The following NOS1 variants were observed in gnomAD, a reference collection of about 807,000 sequenced individuals.
NOS1 encodes NOS type I.
Under a neutral mutation model 164.5 loss-of-function variants are expected in NOS1, and 51 were observed. The observed-to-expected ratio is 0.31, with a 90% CI of 0.25 to 0.39. The LOEUF (loss-of-function observed/expected upper bound fraction) is 0.39. NOS1 is among the 10% of genes least tolerant of loss of function. The pLI is 1.00. For missense variants in NOS1, 1,362 were observed against 1,885.6 expected (o/e 0.72, Z 5.14); for synonymous variants, 719 against 745.8 (o/e 0.96, Z 0.59).
At chr12:117,309,505 C>T in intron 3 of NOS1, 1 of 457,628 alleles carries the variant, frequency 2.2e-6, no homozygotes, top group Non-Finnish European at 2.9e-6. Context: ...TGAAGCCGGT[C>T]ATCACTTGCT....
chr12:117,281,127 A>G (rs369848860), intron 7 of NOS1, among the ~76,000 whole-genome samples: 15 of 152,230 alleles, frequency 9.9e-5, no homozygotes, highest in African/African-American at 3.1e-4. Flanking sequence ...ATCTCTTTCT[A>G]GCTGGAGACT....
rs9658379 is a variant in NOS1, at chr12:117,272,172, C to T, written c.1839+213G>A. On this transcript the variant is annotated intron_variant, in intron 10 of 28. Coordinates refer to ENST00000317775, the MANE Select transcript of NOS1 (RefSeq NM_000620.5). This position sits in a 1 kb window ranked among gnomAD's most constrained non-coding sequence, Gnocchi z 4.3. ...AACAGTGCTTCGGATGCTGTTAGCA[C>T]GTGCTATGTGCTATGTGCGTGTTTG... Among the ~76,000 whole-genome samples, 6 of 152,150 alleles carry T rather than the reference C, an allele frequency of 3.9e-5. No homozygotes were observed. The highest frequency in any genetic ancestry group is 3.9e-4 in the East Asian group (2 of 5,188).
intron 2 of NOS1, among the ~76,000 whole-genome samples, chr12:117,324,194 T>C (rs1875126131): frequency 2.6e-5 from 4 of 152,170 alleles, no homozygotes. Flanking sequence ...CGCCCTCATC[T>C]ATGAAAGTAG....
chr12:117,308,269 A>G (rs1200750473), intron 3 of NOS1, among the ~76,000 whole-genome samples: 76 of 151,910 alleles, frequency 5.0e-4, no homozygotes, highest in Non-Finnish European at 1.5e-5. Flanking sequence ...GCACTTTGGG[A>G]GGCTGAGAAG....
chr12:117,323,362 T>C (rs977195150), intron 2 of NOS1, among the ~76,000 whole-genome samples: 2 of 152,164 alleles, frequency 1.3e-5, no homozygotes, highest in African/African-American at 2.4e-5. Flanking sequence ...TCTGAGAAAA[T>C]ATTCCAGTGT....
At position 117,211,043 on chromosome 12, in the gene NOS1, A is replaced by C; in HGVS notation, c.*4266T>G. 2 of 716,258 alleles carry C rather than the reference A, an allele frequency of 2.8e-6. No individual in the cohort carries two copies. The highest frequency in any genetic ancestry group is 3.4e-6 in the Non-Finnish European group (2 of 585,096). The allele number at this position is 716,258 out of a possible 1,614,324, so 44.4% of individuals were successfully genotyped here. A position where few individuals can be genotyped will look rare whatever the true frequency, so the allele number is the denominator to read the frequency against. ...ACAATCTTGGCTCACTGCAGCCTCC[A>C]CCTCCTGGGCTCAAGCGATCCTCCT... On this transcript the variant is annotated 3_prime_UTR_variant, in exon 29 of 29. Transcript: ENST00000317775.
At chr12:117,328,054 C>G (rs1413320372) in intron 2 of NOS1, among the ~76,000 whole-genome samples, 1 of 152,120 alleles carries the variant, frequency 6.6e-6, no homozygotes, top group Non-Finnish European at 1.5e-5. Context: ...GCCTCAAACA[C>G]GTTAAGCACA....
intron 10 of NOS1, among the ~76,000 whole-genome samples, chr12:117,271,823 G>A (rs1592974117): frequency 1.3e-5 from 2 of 152,168 alleles, no homozygotes; most frequent in East Asian, 1.9e-4. Flanking sequence ...TAGTAGATAC[G>A]GATGACTCAG....
In NOS1 at chr12:117,270,823, G is replaced by A. The variant is rs533763649; in HGVS notation, c.1839+1562C>T. On this transcript the variant is annotated intron_variant, in intron 10 of 28. Coordinates refer to ENST00000317775, the MANE Select transcript of NOS1 (RefSeq NM_000620.5). ...GGCCAAGGCGGGTGGATCATCTGAG[G>A]TCAAGAGTTCGAGACTAGCCTGGCC... Among the ~76,000 whole-genome samples the A allele has an allele frequency of 1.7e-3, 261 of 152,138 alleles. 2 individuals carry two copies. The highest frequency in any genetic ancestry group is 6.0e-3 in the African/African-American group (250 of 41,506).
At chr12:117,354,055 A>C (rs1876752977) in intron 1 of NOS1, among the ~76,000 whole-genome samples, 4 of 152,198 alleles carry the variant, frequency 2.6e-5, no homozygotes, top group Admixed American at 2.6e-4. Context: ...GCTCTCAATG[A>C]CTTCTTGCTG....
At chr12:117,301,958 CTGTAGAG>C (rs1873840764) in intron 3 of NOS1, 1 of 456,582 alleles carries the variant, frequency 2.2e-6, no homozygotes, top group Non-Finnish European at 4.4e-6. Flanking sequence ...GTGCCAGGCC[CTGTAGAG>C]TGGGCTCAGG....
At chr12:117,334,218 G>C (rs1203850699) in intron 1 of NOS1, among the ~76,000 whole-genome samples, 1 of 152,182 alleles carries the variant, frequency 6.6e-6, no homozygotes, top group Non-Finnish European at 1.5e-5. Context: ...GCTCTGGGCT[G>C]GTGCTTGGGA....
intron 22 of NOS1, among the ~76,000 whole-genome samples, chr12:117,231,167 A>C (rs1000177344): frequency 6.6e-6 from 1 of 152,024 alleles, no homozygotes; most frequent in African/African-American, 2.4e-5. Flanking sequence ...AACTACAAAA[A>C]TTAGCTGGCC....
At chr12:117,215,863 A>G (rs1005436681) in intron 28 of NOS1, among the ~76,000 whole-genome samples, 3 of 147,894 alleles carry the variant, frequency 2.0e-5, no homozygotes, top group Non-Finnish European at 4.4e-5. Flanking sequence ...GAAACATTTA[A>G]AAGGACTTTT....
At chr12:117,323,775 T>TTTTTA (rs1341691025) in intron 2 of NOS1, among the ~76,000 whole-genome samples, 8 of 151,996 alleles carry the variant, frequency 5.3e-5, no homozygotes, top group Admixed American at 2.0e-4. Flanking sequence ...TCCCTTTAAT[T>TTTTTA]TTTTATTTTA....
intron 10 of NOS1, among the ~76,000 whole-genome samples, chr12:117,269,521 C>T (rs1035026667): frequency 2.0e-4 from 26 of 129,242 alleles, no homozygotes; most frequent in Non-Finnish European, 1.7e-4. Flanking sequence ...GGCTGGAGTG[C>T]AGTGTCGTGA....
chr12:117,350,276 TG>T (rs138667232), intron 1 of NOS1, among the ~76,000 whole-genome samples: 1 of 152,294 alleles, frequency 6.6e-6, no homozygotes, highest in African/African-American at 2.4e-5. Context: ...AGCACGCCAT[TG>T]CCATGGGACG....
Position 117,234,991 on chromosome 12 carries a change from T to A in NOS1, c.3042-233A>T, listed in dbSNP as rs1869584694. Among the ~76,000 whole-genome samples the A allele has an allele frequency of 6.6e-6, 1 of 151,946 alleles. No homozygotes were observed. Among genetic ancestry groups the A allele is most frequent in the African/African-American group, 2.4e-5 (1 of 41,362 alleles). ...TGGAGTGCAGTGGTGCGATCACGGC[T>A]CACTGCAGCCTCTATCTCCCAAGCT... On this transcript the variant is annotated intron_variant, in intron 20 of 28. Coordinates refer to ENST00000317775, the MANE Select transcript of NOS1 (RefSeq NM_000620.5). This position sits in a 1 kb window ranked among gnomAD's most constrained non-coding sequence, Gnocchi z 4.3.
At chr12:117,221,132 T>G (rs980768496) in intron 26 of NOS1, among the ~76,000 whole-genome samples, 1 of 130,844 alleles carries the variant, frequency 7.6e-6, no homozygotes, top group Non-Finnish European at 1.5e-5. Context: ...AAATTTATTT[T>G]TATTTATTTA....
Sources: allele counts gnomAD v4.1 joint callset (sites outside exome capture counted in the v4.1 genomes callset), GRCh38; gene constraint gnomAD v4.1.1; non-coding constraint Gnocchi (gnomAD v3.1); transcripts MANE v1.5; gene names NCBI Gene and HGNC (gene_info 2026-07-23, HGNC 2026-07-21).